ANKRD6: variants seen among roughly 807,000 people sequenced by gnomAD.
The protein encoded by ANKRD6 is ankyrin repeat domain 6.
In ANKRD6, 56 loss-of-function variants were observed where a neutral mutation model predicts 82.3. That is an observed-to-expected ratio of 0.68 (90% CI 0.55 to 0.85). The LOEUF (loss-of-function observed/expected upper bound fraction) is 0.85. ANKRD6 is among the 40% of genes least tolerant of loss of function. The pLI is 0.00. For synonymous variants in ANKRD6, 347 were observed against 352.1 expected, an observed-to-expected ratio of 0.99 and a Z score of 0.16; for missense variants, 852 against 907.6, an observed-to-expected ratio of 0.94 and a Z score of 0.79.
At chr6:89,461,269 T>C (rs1464784118) in intron 1 of ANKRD6, among the ~76,000 whole-genome samples, 1 of 152,174 alleles carries the variant, frequency 6.6e-6, no homozygotes. Context: ...GATTTACATA[T>C]ACCTTGGAAG....
chr6:89,454,873 C>T (rs1471339268), intron 1 of ANKRD6, among the ~76,000 whole-genome samples: 2 of 152,134 alleles, frequency 1.3e-5, no homozygotes, highest in African/African-American at 4.8e-5. Context: ...GGGAGTCTTA[C>T]TCTGTCACCC....
At chr6:89,620,592 A>T (rs989511668) in intron 9 of ANKRD6, among the ~76,000 whole-genome samples, 1 of 152,118 alleles carries the variant, frequency 6.6e-6, no homozygotes, top group African/African-American at 2.4e-5. Flanking sequence ...CGGACCAGAG[A>T]TTGAAGGTTT....
chr6:89,445,945 G>A (rs1772029056), intron 1 of ANKRD6, among the ~76,000 whole-genome samples: 1 of 152,170 alleles, frequency 6.6e-6, no homozygotes, highest in Admixed American at 6.5e-5. Flanking sequence ...CAAATAAGAA[G>A]GAGAACTTAA....
At chr6:89,479,865 C>A (rs1473480746) in intron 1 of ANKRD6, among the ~76,000 whole-genome samples, 1 of 152,030 alleles carries the variant, frequency 6.6e-6, no homozygotes. Flanking sequence ...CTGACATTCT[C>A]AGTAATAATC....
intron 10 of ANKRD6, among the ~76,000 whole-genome samples, chr6:89,622,418 C>A (rs1213549795): frequency 2.6e-5 from 4 of 152,170 alleles, no homozygotes; most frequent in African/African-American, 9.7e-5. Context: ...AATGATAATT[C>A]TTGGGCCTCA....
At chr6:89,556,318 A>G (rs1180966515) in intron 1 of ANKRD6, among the ~76,000 whole-genome samples, 1 of 152,220 alleles carries the variant, frequency 6.6e-6, no homozygotes, top group African/African-American at 2.4e-5. Flanking sequence ...GAATTTAACC[A>G]CCATGGGCTC....
At chr6:89,627,163 TCTC>T (rs1805981257) in intron 13 of ANKRD6, among the ~76,000 whole-genome samples, 1 of 151,924 alleles carries the variant, frequency 6.6e-6, no homozygotes, top group Non-Finnish European at 1.5e-5. Flanking sequence ...TTCAAATGAT[TCTC>T]CTGCCTCAGC....
At chr6:89,618,210 A>G (rs751511439) in intron 9 of ANKRD6, 179 bp downstream of exon 9, 1 of 737,702 alleles carries the variant, frequency 1.4e-6, no homozygotes, top group South Asian at 1.4e-5. Flanking sequence ...CATCAAGTCC[A>G]GCTCTTCGTG....
At chr6:89,559,777 T>C (rs1787133487) in intron 1 of ANKRD6, among the ~76,000 whole-genome samples, 1 of 152,102 alleles carries the variant, frequency 6.6e-6, no homozygotes, top group Admixed American at 6.5e-5. Flanking sequence ...CCCCAGAAAC[T>C]GTAGTCCTCT....
At chr6:89,483,743 T>C (rs1777050354) in intron 1 of ANKRD6, among the ~76,000 whole-genome samples, 2 of 152,216 alleles carry the variant, frequency 1.3e-5, no homozygotes, top group Admixed American at 6.5e-5. Context: ...ATTTGAATTA[T>C]GTAAGGAGAG....
chr6:89,625,776 T>A (rs1805457739), intron 13 of ANKRD6, among the ~76,000 whole-genome samples: 1 of 151,292 alleles, frequency 6.6e-6, no homozygotes, highest in African/African-American at 2.4e-5. Flanking sequence ...TCTGACTCTG[T>A]CACCTAGAGT....
At chr6:89,538,460 C>T (rs1366211420) in intron 1 of ANKRD6, among the ~76,000 whole-genome samples, 3 of 152,188 alleles carry the variant, frequency 2.0e-5, no homozygotes, top group Non-Finnish European at 4.4e-5. Context: ...TTCTAAGGTG[C>T]TGCTACAATA....
chr6:89,509,651 A>G (rs1032613679), intron 1 of ANKRD6, among the ~76,000 whole-genome samples: 2 of 152,222 alleles, frequency 1.3e-5, no homozygotes, highest in African/African-American at 4.8e-5. Flanking sequence ...AATAAAGGTT[A>G]TATGGTACTT....
chr6:89,474,296 C>A (rs1413879623), intron 1 of ANKRD6, among the ~76,000 whole-genome samples: 1 of 152,152 alleles, frequency 6.6e-6, no homozygotes, highest in Non-Finnish European at 1.5e-5. Flanking sequence ...CACCCAACTT[C>A]TTTTATCTTT....
Position 89,623,923 on chromosome 6 carries a change from C to T in ANKRD6, c.1084C>T (p.Gln362Ter), listed in dbSNP as rs2128259672. 6.2e-7 allele frequency: 1 copy of T among 1,613,876 alleles called. No homozygotes were observed. Among genetic ancestry groups the T allele is most frequent in the East Asian group, 2.2e-5 (1 of 44,868 alleles). The change falls in exon 12 of 16, where the codon CAG becomes TAG. Residue 362 changes from glutamine (Q) to a stop codon, truncating the protein, a stop_gained. Transcript: ENST00000339746. LOFTEE classifies it high-confidence loss of function. ...ACCAGCCGACCAACAGCCTGGACAC[C>T]AGAAGAACCTGCATGCTCATAATCA... ...TPPADQQPGHQKNLHAHNHPK... is the reference protein window; with the variant it reads ...TPPADQQPGH
chr6:89,577,548 A>G (rs904130768), intron 2 of ANKRD6, among the ~76,000 whole-genome samples: 3 of 152,176 alleles, frequency 2.0e-5, no homozygotes, highest in Non-Finnish European at 2.9e-5. Context: ...AGCATTGGCC[A>G]TAACATTAGA....
At chr6:89,503,299 G>A (rs1430538733) in intron 1 of ANKRD6, among the ~76,000 whole-genome samples, 42 of 152,190 alleles carry the variant, frequency 2.8e-4, no homozygotes, top group Admixed American at 2.7e-3. Context: ...TTAGGAAGTC[G>A]TGATTAGGCC....
chr6:89,623,128 G>A (rs748461564), intron 10 of ANKRD6, among the ~76,000 whole-genome samples: 5 of 152,054 alleles, frequency 3.3e-5, no homozygotes, highest in Middle Eastern at 3.4e-3. Context: ...GTTTTGTGTC[G>A]GGTAGGTTCC....
At chr6:89,593,173 CT>C (rs1795229930) in intron 2 of ANKRD6, among the ~76,000 whole-genome samples, 1 of 152,234 alleles carries the variant, frequency 6.6e-6, no homozygotes, top group African/African-American at 2.4e-5. Context: ...CCCAGAAGCA[CT>C]TGTGTCCCAC....
Sources: allele counts gnomAD v4.1 joint callset (sites outside exome capture counted in the v4.1 genomes callset), GRCh38; gene constraint gnomAD v4.1.1; transcripts MANE v1.5; gene names NCBI Gene and HGNC (gene_info 2026-07-23, HGNC 2026-07-21).